Variants in SEMA3E observed in about 807,000 individuals in gnomAD.
The protein encoded by SEMA3E is semaphorin-3E.
SEMA3E carries 49 observed loss-of-function variants against 93.6 expected under a neutral mutation model. That is an observed-to-expected ratio of 0.52 (90% CI 0.42 to 0.66). The LOEUF (loss-of-function observed/expected upper bound fraction) is 0.66, where lower values mean the gene tolerates loss of function less well. SEMA3E is among the 30% of genes least tolerant of loss of function. The pLI is 0.00. For synonymous variants in SEMA3E, 363 were observed against 330.7 expected, an observed-to-expected ratio of 1.10 and a Z score of -1.06; for missense variants, 906 against 964.8, an observed-to-expected ratio of 0.94 and a Z score of 0.81.
In SEMA3E at chr7:83,545,330, C is replaced by A. The variant is rs550538154; in HGVS notation, c.116-55056G>T. On this transcript the variant is annotated intron_variant, in intron 1 of 16. Coordinates refer to ENST00000643230, the MANE Select transcript of SEMA3E (RefSeq NM_012431.3). ...AAACTCCTGGGGCCATGCCTTCCCCCAGTCCCATTCCTATCCATTTTGAGT... is the reference window on the plus strand; with the variant it reads ...AAACTCCTGGGGCCATGCCTTCCCCAAGTCCCATTCCTATCCATTTTGAGT... 2.2e-4 allele frequency among the ~76,000 whole-genome samples: 34 copies of A among 152,102 alleles called. No individual in the cohort carries two copies. In the South Asian group the frequency reaches 7.1e-3, roughly 32 times the overall value.
rs138624553 is a variant in SEMA3E, at chr7:83,420,201, A to G, written c.457-1718T>C. 9.7e-3 allele frequency among the ~76,000 whole-genome samples: 1,484 copies of G among 152,308 alleles called. 25 individuals carry two copies. Among genetic ancestry groups the G allele is most frequent in the African/African-American group, 0.033 (1,384 of 41,588 alleles). On this transcript the variant is annotated intron_variant, in intron 4 of 16. Transcript: ENST00000643230. ...AATCTAATTTAAAATACCCACACAC[A>G]ATAAAACCAGAATATCTACAAATAC...
rs536911472 is a variant in SEMA3E, at chr7:83,625,602, T to C, written c.115+22826A>G. 1.7e-3 allele frequency among the ~76,000 whole-genome samples: 254 copies of C among 152,290 alleles called. 1 individual carries two copies. The highest frequency in any genetic ancestry group is 5.6e-3 in the African/African-American group (232 of 41,558). On this transcript the variant is annotated intron_variant, in intron 1 of 16. Transcript: ENST00000643230. Reference sequence around the variant, plus strand: ...GTTGCTTATCAGCTTAAGGAGTTTTTGAGCTGAGACGATGGGGTTTTCTAA... The same window carrying C: ...GTTGCTTATCAGCTTAAGGAGTTTTCGAGCTGAGACGATGGGGTTTTCTAA...
chr7:83,596,726 T>C (rs1433930636), intron 1 of SEMA3E, among the ~76,000 whole-genome samples: 1 of 152,072 alleles, frequency 6.6e-6, no homozygotes, highest in Non-Finnish European at 1.5e-5. Context: ...TCTCTTTTTA[T>C]TGAAGCCCCA....
At chr7:83,469,398 C>CTTTTTTTTTTTTTTT (rs10650403) in intron 2 of SEMA3E, 96 bp from the exon 3 acceptor site, 2 of 530,596 alleles carry the variant, frequency 3.8e-6, no homozygotes. Flanking sequence ...AAAACATTTC[C>CTTTTTTTTTTTTTTT]TTTTTTTTTT....
chr7:83,617,359 T>C (rs910900201), intron 1 of SEMA3E, among the ~76,000 whole-genome samples: 1 of 149,442 alleles, frequency 6.7e-6, no homozygotes. Flanking sequence ...TCCTTAATCA[T>C]GTCACAGAGT....
intron 9 of SEMA3E, among the ~76,000 whole-genome samples, chr7:83,403,146 T>C (rs939473660): frequency 3.9e-5 from 6 of 152,022 alleles, no homozygotes; most frequent in African/African-American, 9.7e-5. Flanking sequence ...TCTCCTTTTA[T>C]GTTGTTCTAT....
chr7:83,411,144 T>C (rs994691833), intron 5 of SEMA3E, among the ~76,000 whole-genome samples: 3 of 152,160 alleles, frequency 2.0e-5, no homozygotes, highest in African/African-American at 4.8e-5. Flanking sequence ...TAACCAATGC[T>C]ATAAAATTAA....
At chr7:83,448,340 T>C (rs1789279508) in intron 4 of SEMA3E, among the ~76,000 whole-genome samples, 1 of 152,116 alleles carries the variant, frequency 6.6e-6, no homozygotes, top group East Asian at 1.9e-4. Flanking sequence ...TTAGTAAACA[T>C]ATTCTTAAAA....
intron 1 of SEMA3E, among the ~76,000 whole-genome samples, chr7:83,598,484 C>T (rs188772814): frequency 6.6e-6 from 1 of 152,088 alleles, no homozygotes; most frequent in Admixed American, 6.6e-5. Flanking sequence ...TATAAAGTGA[C>T]CTTGGGTTTT....
At chr7:83,524,349 T>C (rs1005195369) in intron 1 of SEMA3E, among the ~76,000 whole-genome samples, 1 of 152,148 alleles carries the variant, frequency 6.6e-6, no homozygotes, top group African/African-American at 2.4e-5. Context: ...AAACCTGTCT[T>C]TACAAGCCTT....
At chr7:83,530,603 G>A (rs1017203269) in intron 1 of SEMA3E, among the ~76,000 whole-genome samples, 4 of 152,212 alleles carry the variant, frequency 2.6e-5, no homozygotes, top group East Asian at 3.9e-4. Flanking sequence ...TTGGCCAGGC[G>A]TGGTGGCTCA....
intron 1 of SEMA3E, among the ~76,000 whole-genome samples, chr7:83,507,424 C>CTGTGTGTGTGTGTGTGTGTG (rs4016317): frequency 1.6e-5 from 2 of 125,926 alleles, no homozygotes; most frequent in African/African-American, 2.9e-5. Context: ...AAACAGAACT[C>CTGTGTGTGTGTGTGTGTGTG]TGTGTGTGTG....
chr7:83,548,954 C>A (rs976961454), intron 1 of SEMA3E, among the ~76,000 whole-genome samples: 1 of 152,054 alleles, frequency 6.6e-6, no homozygotes, highest in Non-Finnish European at 1.5e-5. Flanking sequence ...AGGAAGAAGT[C>A]GAGCAACTTT....
intron 1 of SEMA3E, among the ~76,000 whole-genome samples, chr7:83,496,507 A>C (rs2115581310): frequency 6.6e-6 from 1 of 152,104 alleles, no homozygotes; most frequent in African/African-American, 2.4e-5. Flanking sequence ...AATAATTACA[A>C]ATTTTTTTTG....
rs199520844 is a variant in SEMA3E, at chr7:83,402,386, T to TTACTTAGC, written c.1143+245_1143+246insGCTAAGTA. On this transcript the variant is annotated intron_variant, in intron 10 of 16. Coordinates refer to ENST00000643230, the MANE Select transcript of SEMA3E (RefSeq NM_012431.3). ...CAATTGGTGTTACTTAGCCAAAATA[T>TTACTTAGC]CAATAATAGTACATATTTTATAATA... is the stretch of plus-strand genomic sequence containing the variant. Among the ~76,000 whole-genome samples the TTACTTAGC allele has an allele frequency of 4.6e-3, 703 of 152,138 alleles. 23 individuals are homozygous for TTACTTAGC. Among genetic ancestry groups the TTACTTAGC allele is most frequent in the Admixed American group, 0.039 (590 of 15,242 alleles).
chr7:83,591,886 G>GT (rs1299984048), intron 1 of SEMA3E, among the ~76,000 whole-genome samples: 1 of 151,946 alleles, frequency 6.6e-6, no homozygotes, highest in Admixed American at 6.6e-5. Flanking sequence ...TTTTTTAAAT[G>GT]TATTCACATC....
intron 1 of SEMA3E, among the ~76,000 whole-genome samples, chr7:83,502,211 C>T (rs1385508327): frequency 1.3e-5 from 2 of 152,120 alleles, no homozygotes; most frequent in African/African-American, 4.8e-5. Flanking sequence ...ACTGAATGTT[C>T]TTCCTATTAT....
chr7:83,529,660 A>T (rs917236574), intron 1 of SEMA3E, among the ~76,000 whole-genome samples: 1 of 152,156 alleles, frequency 6.6e-6, no homozygotes, highest in East Asian at 1.9e-4. Context: ...TGTCAGAAAA[A>T]AGCTGAGCAG....
intron 1 of SEMA3E, among the ~76,000 whole-genome samples, chr7:83,558,089 A>G (rs1424818871): frequency 6.6e-6 from 1 of 152,154 alleles, no homozygotes; most frequent in Non-Finnish European, 1.5e-5. Context: ...TGTAACATAT[A>G]TTCCTAATAA....
Sources: gnomAD v4.1 joint callset for allele counts (sites outside exome capture counted in the v4.1 genomes callset) on GRCh38, gnomAD v4.1.1 for gene constraint, MANE v1.5 for transcripts, NCBI Gene and HGNC (gene_info 2026-07-23, HGNC 2026-07-21) for gene names.